SPOCK3: variants seen among roughly 807,000 people sequenced by gnomAD.
SPOCK3 encodes the protein SPARC (osteonectin), cwcv and kazal like domains proteoglycan 3.
Under a neutral mutation model 56.6 loss-of-function variants are expected in SPOCK3, and 30 were observed. The ratio of observed to expected loss-of-function variants is 0.53; its 90% CI spans 0.40 to 0.72. SPOCK3 has a LOEUF of 0.72. SPOCK3 is among the 30% of genes least tolerant of loss of function. The pLI is 0.00. For missense variants in SPOCK3, 527 were observed against 530.0 expected (o/e 0.99, Z 0.06); for synonymous variants, 196 against 183.3 (o/e 1.07, Z -0.56).
rs377518404 is a variant in SPOCK3, at chr4:166,908,526, GCACACACACA to G, written c.474+4084_474+4093del. 3.8e-3 allele frequency among the ~76,000 whole-genome samples: 514 copies of G among 136,130 alleles called. 2 individuals carry two copies. Among genetic ancestry groups the G allele is most frequent in the African/African-American group, 0.013 (464 of 36,728 alleles). The allele number at this position is 136,130 out of a possible 152,430, so 89.3% of individuals were successfully genotyped here. On this transcript the variant is annotated intron_variant, in intron 5 of 10. Transcript: ENST00000357545. Reference sequence around the variant, plus strand: ...TATATTTGCCTTCCTTCAAAACCATGCACACACACACACACACACACACACACACACACAC... The same window carrying G: ...TATATTTGCCTTCCTTCAAAACCATGCACACACACACACACACACACACAC...
intron 4 of SPOCK3, among the ~76,000 whole-genome samples, chr4:166,969,063 A>G (rs544335993): frequency 1.3e-5 from 2 of 152,320 alleles, no homozygotes; most frequent in Non-Finnish European, 2.9e-5. Context: ...TGGGGTCTGT[A>G]GCCCCTTTCT....
chr4:167,036,962 T>G (rs1223533233), intron 3 of SPOCK3, among the ~76,000 whole-genome samples: 2 of 152,180 alleles, frequency 1.3e-5, no homozygotes, highest in Non-Finnish European at 2.9e-5. Flanking sequence ...ATCTAGATCC[T>G]TATCTTATTC....
At chr4:166,778,419 C>T (rs1739806813) in intron 7 of SPOCK3, among the ~76,000 whole-genome samples, 1 of 152,112 alleles carries the variant, frequency 6.6e-6, no homozygotes, top group African/African-American at 2.4e-5. Context: ...ATGTGCATTT[C>T]AAAACCTATT....
intron 8 of SPOCK3, among the ~76,000 whole-genome samples, chr4:166,743,158 T>G (rs1735085035): frequency 6.6e-6 from 1 of 152,064 alleles, no homozygotes; most frequent in African/African-American, 2.4e-5. Flanking sequence ...TTTAGTGCAT[T>G]TTATATTCAT....
At chr4:167,170,149 A>T (rs543863982) in intron 2 of SPOCK3, among the ~76,000 whole-genome samples, 2 of 152,290 alleles carry the variant, frequency 1.3e-5, no homozygotes, top group East Asian at 3.9e-4. Flanking sequence ...TCAATTCAAA[A>T]GACTAGTCAT....
At chr4:166,941,224 TA>T (rs1318976847) in intron 4 of SPOCK3, among the ~76,000 whole-genome samples, 8 of 152,072 alleles carry the variant, frequency 5.3e-5, no homozygotes, top group African/African-American at 1.9e-4. Context: ...TATGGGAATT[TA>T]AAACCATAAG....
At chr4:167,204,390 G>C (rs1733824659) in intron 2 of SPOCK3, among the ~76,000 whole-genome samples, 1 of 152,098 alleles carries the variant, frequency 6.6e-6, no homozygotes, top group Non-Finnish European at 1.5e-5. Flanking sequence ...TCCACACATA[G>C]CTGGGGAGGC....
chr4:166,843,422 G>T (rs931836230), intron 6 of SPOCK3, among the ~76,000 whole-genome samples: 1 of 152,242 alleles, frequency 6.6e-6, no homozygotes, highest in African/African-American at 2.4e-5. Flanking sequence ...CTGACTGTGA[G>T]TTAATCAAAA....
chr4:167,222,837 ATT>A (rs1253486139), intron 2 of SPOCK3, among the ~76,000 whole-genome samples: 1 of 127,910 alleles, frequency 7.8e-6, no homozygotes, highest in Non-Finnish European at 1.6e-5. Context: ...ATAGATATAT[ATT>A]GATATGTGAA....
chr4:167,077,617 A>G (rs1204556932), intron 2 of SPOCK3, among the ~76,000 whole-genome samples: 3 of 151,970 alleles, frequency 2.0e-5, no homozygotes, highest in Admixed American at 2.0e-4. Context: ...TAAAAGAAAA[A>G]GAATGATTTT....
intron 6 of SPOCK3, among the ~76,000 whole-genome samples, chr4:166,818,194 G>T (rs543407417): frequency 1.3e-5 from 2 of 151,868 alleles, no homozygotes; most frequent in South Asian, 4.1e-4. Flanking sequence ...CATTCCTGTT[G>T]CTGTGAATGA....
At chr4:167,217,496 C>T (rs1209856234) in intron 2 of SPOCK3, among the ~76,000 whole-genome samples, 1 of 152,046 alleles carries the variant, frequency 6.6e-6, no homozygotes, top group South Asian at 2.1e-4. Context: ...AGGTTACATG[C>T]AAATACTACA....
intron 2 of SPOCK3, among the ~76,000 whole-genome samples, chr4:167,210,620 A>G (rs1234873188): frequency 6.6e-6 from 1 of 152,208 alleles, no homozygotes; most frequent in Non-Finnish European, 1.5e-5. Context: ...TTAACTTTAT[A>G]TAGATGAAGA....
chr4:166,855,757 T>C (rs1211877343), intron 6 of SPOCK3, among the ~76,000 whole-genome samples: 1 of 152,142 alleles, frequency 6.6e-6, no homozygotes, highest in Non-Finnish European at 1.5e-5. Context: ...TGGACCCCTG[T>C]TTCTTGAGTT....
At chr4:166,875,379 C>T (rs1732968239) in intron 6 of SPOCK3, among the ~76,000 whole-genome samples, 1 of 152,024 alleles carries the variant, frequency 6.6e-6, no homozygotes, top group South Asian at 2.1e-4. Context: ...GTTATTCATA[C>T]ATCATTTTCT....
At chr4:166,938,393 T>G (rs1740683312) in intron 4 of SPOCK3, among the ~76,000 whole-genome samples, 1 of 152,162 alleles carries the variant, frequency 6.6e-6, no homozygotes, top group Non-Finnish European at 1.5e-5. Flanking sequence ...AAAATGAATA[T>G]GAATACAGGA....
intron 2 of SPOCK3, among the ~76,000 whole-genome samples, chr4:167,229,557 C>G (rs1256096704): frequency 1.3e-5 from 2 of 152,082 alleles, no homozygotes; most frequent in Admixed American, 1.3e-4. Flanking sequence ...CCCACACCAT[C>G]ATCCATTATC....
At chr4:167,088,461 C>CTTT (rs538566191) in intron 2 of SPOCK3, among the ~76,000 whole-genome samples, 64 of 111,140 alleles carry the variant, frequency 5.8e-4, no homozygotes, top group African/African-American at 1.1e-3. Context: ...CCTATGAAAA[C>CTTT]TTTTTTTTTT....
chr4:166,903,183 T>A (rs559623851), intron 5 of SPOCK3, among the ~76,000 whole-genome samples: 1 of 149,156 alleles, frequency 6.7e-6, no homozygotes, highest in Non-Finnish European at 1.5e-5. Context: ...ATATTAAAAT[T>A]TATTAAATAA....
Sources: allele counts gnomAD v4.1 joint callset (sites outside exome capture counted in the v4.1 genomes callset), GRCh38; gene constraint gnomAD v4.1.1; transcripts MANE v1.5; gene names NCBI Gene and HGNC (gene_info 2026-07-23, HGNC 2026-07-21).